Variants in RARB observed in about 807,000 individuals in gnomAD.
RARB encodes the protein HBV-activated protein.
In RARB, 17 loss-of-function variants were observed where a neutral mutation model predicts 51.9. The ratio of observed to expected loss-of-function variants is 0.33; its 90% confidence interval spans 0.22 to 0.49. The LOEUF (loss-of-function observed/expected upper bound fraction) is 0.49, where lower values mean the gene tolerates loss of function less well. Ranked by LOEUF, RARB falls within the 20% of genes least tolerant of loss-of-function variation. RARB has a pLI of 0.99. For synonymous variants in RARB, 215 were observed against 195.4 expected, an observed-to-expected ratio of 1.10 and a Z score of -0.84; for missense variants, 369 against 550.8, an observed-to-expected ratio of 0.67 and a Z score of 3.30.
At chr3:25,264,404 A>G (rs1353977017) in intron 5 of RARB, among the ~76,000 whole-genome samples, 1 of 152,184 alleles carries the variant, frequency 6.6e-6, no homozygotes, top group Non-Finnish European at 1.5e-5. Flanking sequence ...CCCAGTCTCC[A>G]GCAAAACCTT....
intron 5 of RARB, among the ~76,000 whole-genome samples, chr3:25,180,270 A>G (rs191787136): frequency 7.2e-5 from 11 of 152,312 alleles, no homozygotes; most frequent in African/African-American, 2.4e-4. Context: ...ATGGTTTAAG[A>G]ATTTGTATTA....
chr3:25,236,008 T>A (rs1288397921), intron 5 of RARB, among the ~76,000 whole-genome samples: 1 of 152,136 alleles, frequency 6.6e-6, no homozygotes, highest in Non-Finnish European at 1.5e-5. Flanking sequence ...AGTCTATATA[T>A]CCTGAAAAAT....
At chr3:25,051,424 G>A (rs1352972589) in intron 2 of RARB, among the ~76,000 whole-genome samples, 3 of 152,110 alleles carry the variant, frequency 2.0e-5, no homozygotes, top group Non-Finnish European at 4.4e-5. Context: ...GATGCTTTAT[G>A]CCTAAAAACC....
At chr3:25,312,710 C>T (rs994909544) in intron 5 of RARB, among the ~76,000 whole-genome samples, 44 of 152,246 alleles carry the variant, frequency 2.9e-4, no homozygotes, top group African/African-American at 1.0e-3. Flanking sequence ...AAAATTGGGA[C>T]ATTTCACAAT....
intron 5 of RARB, among the ~76,000 whole-genome samples, chr3:25,327,028 C>G (rs1049671192): frequency 1.4e-4 from 22 of 151,938 alleles, no homozygotes; most frequent in African/African-American, 5.1e-4. Context: ...TGTGATGTTC[C>G]CCTTCCTGTG....
chr3:25,184,459 C>A (rs1007822595), intron 5 of RARB, among the ~76,000 whole-genome samples: 1 of 151,982 alleles, frequency 6.6e-6, no homozygotes, highest in African/African-American at 2.4e-5. Context: ...TAACTCAAAA[C>A]TAATCATTAG....
At chr3:25,516,530 A>C (rs1698169286) in intron 3 of RARB, among the ~76,000 whole-genome samples, 1 of 152,190 alleles carries the variant, frequency 6.6e-6, no homozygotes, top group Non-Finnish European at 1.5e-5. Context: ...AGTTAACAAA[A>C]AGTTTTGGCT....
intron 5 of RARB, among the ~76,000 whole-genome samples, chr3:25,194,763 A>G (rs916833970): frequency 2.0e-5 from 3 of 151,796 alleles, no homozygotes; most frequent in African/African-American, 4.8e-5. Context: ...AATTAACACA[A>G]TGCTGCTTTT....
At chr3:25,116,426 G>A (rs1575167718) in intron 3 of RARB, among the ~76,000 whole-genome samples, 1 of 88,224 alleles carries the variant, frequency 1.1e-5, no homozygotes, top group Non-Finnish European at 2.7e-5. Flanking sequence ...TCTTATTAAA[G>A]TTTACAAAAA....
chr3:25,476,007 C>G (rs1374798958), intron 2 of RARB, among the ~76,000 whole-genome samples: 1 of 152,186 alleles, frequency 6.6e-6, no homozygotes, highest in Admixed American at 6.5e-5. Context: ...CACTCAAGGA[C>G]CAAGACTGAT....
intron 2 of RARB, among the ~76,000 whole-genome samples, chr3:25,009,803 C>A (rs1231722244): frequency 6.6e-6 from 1 of 152,016 alleles, no homozygotes; most frequent in Non-Finnish European, 1.5e-5. Flanking sequence ...CTTATTCTGT[C>A]TGGAAAAGGT....
chr3:25,258,585 G>C (rs1440534017), intron 5 of RARB, among the ~76,000 whole-genome samples: 1 of 152,014 alleles, frequency 6.6e-6, no homozygotes, highest in Non-Finnish European at 1.5e-5. Context: ...TAGTGGTTTT[G>C]GTTGTCATGG....
At chr3:25,082,784 C>T (rs1272273636) in intron 3 of RARB, among the ~76,000 whole-genome samples, 1 of 152,036 alleles carries the variant, frequency 6.6e-6, no homozygotes, top group Non-Finnish European at 1.5e-5. Flanking sequence ...GAAGAACTTT[C>T]TCTGCTGTTT....
intron 5 of RARB, among the ~76,000 whole-genome samples, chr3:25,377,792 G>A (rs1706508217): frequency 6.6e-6 from 1 of 152,112 alleles, no homozygotes; most frequent in Admixed American, 6.6e-5. Flanking sequence ...GTTAGAGCAG[G>A]CAGGGACCTT....
At chr3:25,219,694 A>G (rs1252747407) in intron 5 of RARB, among the ~76,000 whole-genome samples, 1 of 152,072 alleles carries the variant, frequency 6.6e-6, no homozygotes, top group Non-Finnish European at 1.5e-5. Context: ...CTGTTGTGCT[A>G]TTTTCTGGAC....
chr3:25,077,023 C>T (rs1001237296), intron 3 of RARB, among the ~76,000 whole-genome samples: 2 of 152,194 alleles, frequency 1.3e-5, no homozygotes, highest in Admixed American at 1.3e-4. Flanking sequence ...AAAGGAGCAA[C>T]TTCTGTTGAA....
chr3:24,935,481 C>A (rs1695530298), intron 2 of RARB, among the ~76,000 whole-genome samples: 1 of 152,020 alleles, frequency 6.6e-6, no homozygotes, highest in African/African-American at 2.4e-5. Flanking sequence ...TTGCTTCAAC[C>A]CTTGCTCATA....
In RARB at chr3:25,293,737, G is replaced by A. The variant is rs79156913; in HGVS notation, c.178+119162G>A. Among the ~76,000 whole-genome samples, 7 of 152,080 alleles carry A rather than the reference G, an allele frequency of 4.6e-5. No individual in the cohort carries two copies. The East Asian group carries it at 1.4e-3, about 29-fold the overall frequency. ...ATTAAATGGAAATGTCTCAGGTTTAGGAGTTCTGGCTAAAAAGGTGGTATG... is the reference window on the plus strand; with the variant it reads ...ATTAAATGGAAATGTCTCAGGTTTAAGAGTTCTGGCTAAAAAGGTGGTATG... On this transcript the variant is annotated intron_variant, in intron 5 of 11. Coordinates refer to the RARB transcript ENST00000383772.
intron 2 of RARB, among the ~76,000 whole-genome samples, chr3:25,043,284 A>C (rs539239368): frequency 1.2e-4 from 19 of 152,338 alleles, no homozygotes; most frequent in African/African-American, 4.6e-4. Flanking sequence ...TAGCAGTCAC[A>C]TAAAATGTGT....
Sources: allele counts gnomAD v4.1 joint callset (sites outside exome capture counted in the v4.1 genomes callset), GRCh38; gene constraint gnomAD v4.1.1; transcripts MANE v1.5; gene names NCBI Gene and HGNC (gene_info 2026-07-23, HGNC 2026-07-21).